Variants in PDE3B observed in about 807,000 individuals in gnomAD.
PDE3B encodes the protein phosphodiesterase 3B.
In PDE3B, 66 loss-of-function variants were observed where a neutral mutation model predicts 116.8. The observed-to-expected ratio is 0.56, with a 90% confidence interval of 0.46 to 0.69. The LOEUF is 0.69. PDE3B is among the 30% of genes least tolerant of loss of function. The pLI, the probability that PDE3B is intolerant of heterozygous loss-of-function variation, is 0.00. For synonymous variants in PDE3B, 595 were observed against 533.6 expected, an observed-to-expected ratio of 1.12 and a Z score of -1.59; for missense variants, 1,384 against 1,368.1, an observed-to-expected ratio of 1.01 and a Z score of -0.18.
intron 1 of PDE3B, among the ~76,000 whole-genome samples, chr11:14,747,667 T>A (rs1466560189): frequency 6.6e-6 from 1 of 152,072 alleles, no homozygotes. Context: ...GCAACCAAAA[T>A]GTAGTGGTGA....
chr11:14,692,514 T>G (rs1855071611), intron 1 of PDE3B, among the ~76,000 whole-genome samples: 1 of 152,182 alleles, frequency 6.6e-6, no homozygotes, highest in Non-Finnish European at 1.5e-5. Flanking sequence ...CAGCATATGC[T>G]CACTTTGTAT....
At chr11:14,701,013 C>G (rs535346801) in intron 1 of PDE3B, 1 of 151,768 alleles carries the variant, frequency 6.6e-6, no homozygotes, top group African/African-American at 2.4e-5. Flanking sequence ...GAGTGCCTAT[C>G]ATGTACATAA....
chr11:14,812,370 A>G lies in PDE3B; in HGVS notation c.1523-5813A>G, dbSNP rs541286641. ...GATCTGCAGAAAATCCTCAAATTAT[A>G]AATAACCTATGGGTCAAAGAAGAAA... On this transcript the variant is annotated intron_variant, in intron 5 of 15. Transcript: ENST00000282096. 3.9e-5 allele frequency among the ~76,000 whole-genome samples: 6 copies of G among 152,338 alleles called. No homozygotes were observed. In the South Asian group the frequency reaches 1.2e-3, roughly 32 times the overall value.
At chr11:14,831,851 A>G (rs1217720962) in intron 9 of PDE3B, 74 bp downstream of exon 9, 14 of 1,057,970 alleles carry the variant, frequency 1.3e-5, no homozygotes, top group Non-Finnish European at 2.0e-5. Flanking sequence ...AAAATCTAAT[A>G]TGTAATGGTT....
At chr11:14,886,213 T>TA in the PDE3B span, 1 of 375,856 alleles carries the variant, frequency 2.7e-6, no homozygotes, top group Non-Finnish European at 5.0e-6. Context: ...ATTAAACAGA[T>TA]AAAAGACTCT....
At position 14,783,611 on chromosome 11, in the gene PDE3B, G is replaced by C. The variant is rs545587793; in HGVS notation, c.1030-2826G>C. ...ACATCACACACCGGGGCTTGTAGTG[G>C]GGTGGGGGAGTGGGGAGGGATAGCT... On this transcript the variant is annotated intron_variant, in intron 2 of 15. Coordinates refer to ENST00000282096, the MANE Select transcript of PDE3B (RefSeq NM_000922.4). Among the ~76,000 whole-genome samples, 30 of 152,246 alleles carry C rather than the reference G, an allele frequency of 2.0e-4. No individual in the cohort carries two copies. The South Asian group carries it at 5.8e-3, about 30-fold the overall frequency.
chr11:14,740,044 G>A (rs1166798255), intron 1 of PDE3B, among the ~76,000 whole-genome samples: 1 of 152,110 alleles, frequency 6.6e-6, no homozygotes, highest in East Asian at 1.9e-4. Flanking sequence ...TGTTCATTAG[G>A]TATATTGGCC....
At chr11:14,845,943 A>C (rs928847612) in intron 12 of PDE3B, among the ~76,000 whole-genome samples, 1 of 152,236 alleles carries the variant, frequency 6.6e-6, no homozygotes, top group Admixed American at 6.5e-5. Flanking sequence ...GAACTTCCCC[A>C]ATCTAGCAAG....
intron 1 of PDE3B, among the ~76,000 whole-genome samples, chr11:14,743,438 C>T (rs988138967): frequency 9.2e-5 from 14 of 152,230 alleles, no homozygotes; most frequent in Non-Finnish European, 2.9e-5. Context: ...CACAGGTTGA[C>T]TTCAGACTGC....
intron 2 of PDE3B, among the ~76,000 whole-genome samples, chr11:14,785,178 T>G (rs764835049): frequency 2.0e-5 from 3 of 152,140 alleles, no homozygotes; most frequent in Non-Finnish European, 2.9e-5. Flanking sequence ...TGACCTTATT[T>G]TAACATGTTA....
rs1857651117 is a variant in PDE3B, at chr11:14,771,848, A to G, written c.979-89A>G. 5 of 502,994 alleles carry G rather than the reference A, an allele frequency of 9.9e-6. No homozygotes were observed. The East Asian group carries it at 1.6e-4, about 16-fold the overall frequency. 31.2% of individuals were successfully genotyped at this position (502,994 alleles called of 1,614,324 possible). A position where few individuals can be genotyped will look rare whatever the true frequency, so the allele number is the denominator to read the frequency against. On this transcript the variant is annotated intron_variant, in intron 1 of 15. Coordinates refer to ENST00000282096, the MANE Select transcript of PDE3B (RefSeq NM_000922.4). ...TCTTCCAGATTTTGAGCTATATTAG[A>G]TAATTATAATTGAAAATGCTGAATT...
intron 2 of PDE3B, among the ~76,000 whole-genome samples, chr11:14,781,207 G>A (rs887242482): frequency 1.3e-5 from 2 of 152,154 alleles, no homozygotes; most frequent in African/African-American, 4.8e-5. Context: ...GGACCAGACG[G>A]AGTCACAGCT....
At chr11:14,823,218 C>G (rs1859577846) in intron 7 of PDE3B, among the ~76,000 whole-genome samples, 1 of 152,192 alleles carries the variant, frequency 6.6e-6, no homozygotes, top group Admixed American at 6.5e-5. Flanking sequence ...CTGGAGCCGT[C>G]TCTCACCGCA....
chr11:14,805,733 A>G (rs1663469024), intron 5 of PDE3B, among the ~76,000 whole-genome samples: 1 of 152,218 alleles, frequency 6.6e-6, no homozygotes, highest in Non-Finnish European at 1.5e-5. Flanking sequence ...AATTATCCAG[A>G]TTGAAGCATG....
chr11:14,714,269 C>A (rs991947764), intron 1 of PDE3B, among the ~76,000 whole-genome samples: 1 of 152,068 alleles, frequency 6.6e-6, no homozygotes, highest in African/African-American at 2.4e-5. Context: ...TGTATTGGTT[C>A]TCATAGTTTG....
chr11:14,782,243 G>T (rs969960713), intron 2 of PDE3B, among the ~76,000 whole-genome samples: 1 of 152,156 alleles, frequency 6.6e-6, no homozygotes, highest in Admixed American at 6.5e-5. Flanking sequence ...TTTCTTCACA[G>T]AATTGGAAAA....
intron 4 of PDE3B, among the ~76,000 whole-genome samples, chr11:14,790,038 T>G (rs550717492): frequency 2.6e-5 from 4 of 152,156 alleles, no homozygotes; most frequent in South Asian, 4.1e-4. Flanking sequence ...GAGCATGTTT[T>G]ATACTTTTGA....
At chr11:14,837,079 G>A (rs943385807) in intron 11 of PDE3B, among the ~76,000 whole-genome samples, 1 of 152,210 alleles carries the variant, frequency 6.6e-6, no homozygotes, top group African/African-American at 2.4e-5. Flanking sequence ...CTCTCAAAGT[G>A]TTAGGATTAC....
intron 1 of PDE3B, among the ~76,000 whole-genome samples, chr11:14,735,703 G>A (rs1262654972): frequency 6.6e-6 from 1 of 152,188 alleles, no homozygotes. Context: ...TACATAGCTA[G>A]TGGCTCCATA....
Sources: allele counts gnomAD v4.1 joint callset (sites outside exome capture counted in the v4.1 genomes callset), GRCh38; gene constraint gnomAD v4.1.1; transcripts MANE v1.5; gene names NCBI Gene and HGNC (gene_info 2026-07-23, HGNC 2026-07-21).